NOTUM: variants seen among roughly 807,000 people sequenced by gnomAD.
NOTUM encodes the protein palmitoleoyl-protein carboxylesterase NOTUM.
NOTUM carries 36 observed loss-of-function variants against 65.5 expected under a neutral mutation model. That is an observed-to-expected ratio of 0.55 (90% CI 0.42 to 0.73). The LOEUF is 0.73. Ranked by LOEUF, NOTUM falls within the 30% of genes least tolerant of loss-of-function variation. The probability of loss-of-function intolerance (pLI) is 0.00; values close to 1 mark genes in which losing one functional copy is unlikely to be tolerated. For synonymous variants in NOTUM, 356 were observed against 297.9 expected, an observed-to-expected ratio of 1.20 and a Z score of -2.01; for missense variants, 659 against 694.2, an observed-to-expected ratio of 0.95 and a Z score of 0.57.
In NOTUM at chr17:81,958,049, G is replaced by A. The variant is rs2041446706; in HGVS notation, c.593-141C>T. 7.3e-6 allele frequency: 5 copies of A among 681,478 alleles called. No homozygotes were observed. The South Asian group carries it at 9.1e-5, about 12-fold the overall frequency. 42.2% of individuals were successfully genotyped at this position (681,478 alleles called of 1,614,324 possible). On this transcript the variant is annotated intron_variant, in intron 5 of 10. Coordinates refer to ENST00000409678, the MANE Select transcript of NOTUM (RefSeq NM_178493.6). ...TGAGAAGGGGTCAGGGGCTTGGGTG[G>A]ACTGGAGGAAGGCGGGTGCACCAGG...
At position 81,952,787 on chromosome 17, in the gene NOTUM, TG is replaced by T; in HGVS notation, c.*173del. On this transcript the variant is annotated 3_prime_UTR_variant, in exon 11 of 11. Coordinates refer to ENST00000409678, the MANE Select transcript of NOTUM (RefSeq NM_178493.6). ...AGGTCCCTTGTCTCTGGCTGGGCTG[TG>T]GGAGAGGGGCAGGGAAAGCCGGGGC... 1 of 621,266 alleles carries T rather than the reference TG, an allele frequency of 1.6e-6. No homozygotes were observed. The highest frequency in any genetic ancestry group is 2.8e-6 in the Non-Finnish European group (1 of 351,316). 38.5% of individuals were successfully genotyped at this position (621,266 alleles called of 1,614,324 possible). A position where few individuals can be genotyped will look rare whatever the true frequency, so the allele number is the denominator to read the frequency against.
At chr17:81,953,347 C>G in intron 10 of NOTUM, 80 bp from the exon 11 acceptor site, 1 of 885,440 alleles carries the variant, frequency 1.1e-6, no homozygotes, top group Non-Finnish European at 1.7e-6. Flanking sequence ...TTTTTGAGAC[C>G]AGCCATGGCA....
Position 81,952,874 on chromosome 17 carries a change from G to A in NOTUM, c.*87C>T. ...GCTGGGGCCCTGTCCCGAAGAGACG[G>A]GAGGGCCTGCTGGTGGGGGGTGAGG... On this transcript the variant is annotated 3_prime_UTR_variant, in exon 11 of 11. Coordinates refer to ENST00000409678, the MANE Select transcript of NOTUM (RefSeq NM_178493.6). 9 of 1,216,772 alleles carry A rather than the reference G, an allele frequency of 7.4e-6. No homozygotes were observed. The highest frequency in any genetic ancestry group is 1.1e-5 in the Non-Finnish European group (9 of 841,230). 75.4% of individuals were successfully genotyped at this position (1,216,772 alleles called of 1,614,324 possible).
In NOTUM at chr17:81,957,309, C is replaced by G. The variant is rs140170054; in HGVS notation, c.696-235G>C. On this transcript the variant is annotated intron_variant, in intron 6 of 10. Coordinates refer to ENST00000409678, the MANE Select transcript of NOTUM (RefSeq NM_178493.6). ...CCTGACACAGCCAGGCTCTCCCCTT[C>G]CTCCTCCCCTTCCTCTCTCTGTCTC... is the stretch of plus-strand genomic sequence containing the variant. Among the ~76,000 whole-genome samples the G allele has an allele frequency of 1.4e-4, 21 of 152,312 alleles. No homozygotes were observed. In the East Asian group the frequency reaches 2.7e-3, roughly 20 times the overall value.
Position 81,956,541 on chromosome 17 carries a change from G to A in NOTUM, c.988+109C>T, listed in dbSNP as rs1041607711. 2.8e-4 allele frequency: 213 copies of A among 756,068 alleles called. 2 individuals are homozygous for A. The Admixed American group carries it at 4.6e-3, about 16-fold the overall frequency. The allele number at this position is 756,068 out of a possible 1,614,324, so 46.8% of individuals were successfully genotyped here. On this transcript the variant is annotated intron_variant, in intron 8 of 10. Coordinates refer to ENST00000409678, the MANE Select transcript of NOTUM (RefSeq NM_178493.6). ...CCGGACTCCTCCCTGGACCAGGGCC[G>A]TGGTCTCCAAGCCCAGCCCAGAAGA...
At chr17:81,957,773 C>T in intron 6 of NOTUM, 33 bp downstream of exon 6, 3 of 1,493,996 alleles carry the variant, frequency 2.0e-6, no homozygotes, top group African/African-American at 1.4e-5. Context: ...CCGTCCTCAC[C>T]CCTCACCTCC....
chr17:81,953,530 G>A (rs1373099930), intron 10 of NOTUM, among the ~76,000 whole-genome samples: 2 of 152,052 alleles, frequency 1.3e-5, no homozygotes, highest in African/African-American at 4.8e-5. Context: ...CTGACGTCAG[G>A]TGATCTGCCC....
rs1230682965 is a variant in NOTUM at position 81,958,403 on chromosome 17, A to C, written c.534-10T>G. 2 of 1,602,780 alleles carry C rather than the reference A, an allele frequency of 1.2e-6. No homozygotes were observed. Among genetic ancestry groups the C allele is most frequent in the Non-Finnish European group, 1.7e-6 (2 of 1,171,854 alleles). On this transcript the variant is annotated splice_polypyrimidine_tract_variant and intron_variant, in intron 4 of 10. Transcript: ENST00000409678. ...GCAGTAGGGGATGAAGCTGCAACAC[A>C]GAACAGAGTGAGCCTGTCACAGCGC... is the stretch of plus-strand genomic sequence containing the variant.
Position 81,959,456 on chromosome 17 carries a change from G to T in NOTUM, c.472+15C>A. The T allele has an allele frequency of 6.5e-7, 1 of 1,540,092 alleles. No individual in the cohort carries two copies. On this transcript the variant is annotated intron_variant, in intron 3 of 10. Coordinates refer to ENST00000409678, the MANE Select transcript of NOTUM (RefSeq NM_178493.6). ...GCCTCACGTCGAGACGCCTTCCCCA[G>T]GGCCCGCCGCTGACCTGTGCGAGTG...
chr17:81,957,450 CAG>C (rs954878194), intron 6 of NOTUM, among the ~76,000 whole-genome samples: 5 of 152,142 alleles, frequency 3.3e-5, no homozygotes, highest in Non-Finnish European at 5.9e-5. Context: ...CAGGAACCCA[CAG>C]GGGTGATCCT....
At chr17:81,954,167 G>A (rs1380791275) in intron 10 of NOTUM, 89 bp downstream of exon 10, 1 of 896,620 alleles carries the variant, frequency 1.1e-6, no homozygotes, top group Admixed American at 1.8e-5. Context: ...CCAAGAAGAG[G>A]CCCATGGGAG....
rs887165977 is a variant in NOTUM at position 81,958,443 on chromosome 17, C to G, written c.534-50G>C. The G allele has an allele frequency of 3.7e-6, 5 of 1,352,108 alleles. No homozygotes were observed. In the African/African-American group the frequency reaches 7.2e-5, roughly 19 times the overall value. 83.8% of individuals were successfully genotyped at this position (1,352,108 alleles called of 1,614,324 possible). A position where few individuals can be genotyped will look rare whatever the true frequency, so the allele number is the denominator to read the frequency against. On this transcript the variant is annotated intron_variant, in intron 4 of 10. Transcript: ENST00000409678. ...TGTCACAGCGCCTGCCGCCCGGCAG[C>G]CTCCAGAAAGGACCCCCAGAACAGG...
Position 81,960,858 on chromosome 17 carries a change from C to T in NOTUM, c.52G>A (p.Gly18Arg). The T allele has an allele frequency of 1.4e-6, 2 of 1,480,060 alleles. No individual in the cohort carries two copies. Among genetic ancestry groups the T allele is most frequent in the Admixed American group, 2.3e-5 (1 of 43,994 alleles). The allele number at this position is 1,480,060 out of a possible 1,614,324, so 91.7% of individuals were successfully genotyped here. Residue 18 changes from glycine (G) to arginine (R), a missense_variant, in exon 1 of 11, where the codon GGG (glycine) becomes AGG (arginine). Transcript: ENST00000409678. This position sits in a 1 kb window ranked among gnomAD's most constrained non-coding sequence, Gnocchi z 6.4. The part of the protein sequence containing the change: ...LLLLSLLHCA[G>R]GSEGRKTWRR... ...CAGGTCTTCCTGCCCTCGCTGCCCC[C>T]GGCGCAGTGCAGCAGGCTCAGCAGC... is the stretch of plus-strand genomic sequence containing the variant.
At chr17:81,956,075 A>C (rs937488470) in intron 8 of NOTUM, among the ~76,000 whole-genome samples, 2 of 152,164 alleles carry the variant, frequency 1.3e-5, no homozygotes, top group African/African-American at 4.8e-5. Flanking sequence ...GCCTTTTTAT[A>C]ATCCACAGCT....
In NOTUM at chr17:81,959,415, C is replaced by A. The variant is rs1470764020; in HGVS notation, c.472+56G>T. 3 of 1,347,870 alleles carry A rather than the reference C, an allele frequency of 2.2e-6. No individual in the cohort carries two copies. In the East Asian group the frequency reaches 7.5e-5, roughly 34 times the overall value. The allele number at this position is 1,347,870 out of a possible 1,614,324, so 83.5% of individuals were successfully genotyped here. A position where few individuals can be genotyped will look rare whatever the true frequency, so the allele number is the denominator to read the frequency against. On this transcript the variant is annotated intron_variant, in intron 3 of 10. Transcript: ENST00000409678. ...CCTGGCTGGGGCTCCAGGAGGCGGG[C>A]GCGGCTTCCTCCCGGGCCTCACGTC... is the stretch of plus-strand genomic sequence containing the variant.
intron 9 of NOTUM, 101 bp downstream of exon 9, chr17:81,955,296 T>A: frequency 8.7e-7 from 1 of 1,142,894 alleles, no homozygotes; most frequent in Non-Finnish European, 1.2e-6. Flanking sequence ...GACCTCTATT[T>A]TTTTTTGTTC....
chr17:81,954,618 C>G (rs1448693492), intron 9 of NOTUM, among the ~76,000 whole-genome samples: 1 of 152,216 alleles, frequency 6.6e-6, no homozygotes, highest in Non-Finnish European at 1.5e-5. Context: ...GAGTCGGGGT[C>G]TGGCTCTATC....
chr17:81,953,772 C>CTTTTTTTTTTTT (rs35740276), intron 10 of NOTUM, among the ~76,000 whole-genome samples: 2 of 141,552 alleles, frequency 1.4e-5, no homozygotes, highest in Non-Finnish European at 1.5e-5. Context: ...CAGCCTGAGT[C>CTTTTTTTTTTTT]TTTTTTTTTT....
intron 3 of NOTUM, 179 bp from the exon 4 acceptor site, chr17:81,959,174 G>A (rs939764195): frequency 2.7e-5 from 17 of 636,032 alleles, no homozygotes; most frequent in East Asian, 1.4e-4. Flanking sequence ...AGTTACCCCC[G>A]GGAAGCCACC....
Sources: gnomAD v4.1 joint callset for allele counts (sites outside exome capture counted in the v4.1 genomes callset) on GRCh38, gnomAD v4.1.1 for gene constraint, Gnocchi (gnomAD v3.1) non-coding constraint, MANE v1.5 for transcripts, NCBI Gene and HGNC (gene_info 2026-07-23, HGNC 2026-07-21) for gene names.